UBAC2: variants seen among roughly 807,000 people sequenced by gnomAD.
UBAC2 encodes the protein ubiquitin-associated domain-containing protein 2.
UBAC2 carries 26 observed loss-of-function variants against 44.0 expected under a neutral mutation model. That is an observed-to-expected ratio of 0.59 (90% CI 0.43 to 0.82). The LOEUF (loss-of-function observed/expected upper bound fraction) is 0.82, where lower values mean the gene tolerates loss of function less well. UBAC2 is among the 40% of genes least tolerant of loss of function. The pLI is 0.00. For synonymous variants in UBAC2, 155 were observed against 154.3 expected, an observed-to-expected ratio of 1.00 and a Z score of -0.04; for missense variants, 329 against 419.4, an observed-to-expected ratio of 0.78 and a Z score of 1.88.
Position 99,295,620 on chromosome 13 carries a change from C to A in UBAC2, c.390-18477C>A, listed in dbSNP as rs541209030. ...TACTCCATGCATGTAATCCTTTCAG[C>A]CTCCTGCTTTGACATAGGGTTGATG... On this transcript the variant is annotated intron_variant, in intron 4 of 8. Coordinates refer to ENST00000403766, the MANE Select transcript of UBAC2 (RefSeq NM_001144072.2). The surrounding 1 kb of genome is among the most constrained non-coding windows in gnomAD (Gnocchi z 4.1). 6 of 1,614,140 alleles carry A rather than the reference C, an allele frequency of 3.7e-6. No homozygotes were observed. The Admixed American group carries it at 5.0e-5, about 13-fold the overall frequency.
At chr13:99,351,333 G>A (rs1566516880) in intron 7 of UBAC2, 1 of 345,200 alleles carries the variant, frequency 2.9e-6, no homozygotes, top group Non-Finnish European at 5.7e-6. Context: ...GCAGGTGATG[G>A]CCTGTGGGCC....
intron 1 of UBAC2, among the ~76,000 whole-genome samples, chr13:99,203,059 A>ATTTATTTG (rs752282024): frequency 6.6e-6 from 1 of 151,234 alleles, no homozygotes. Flanking sequence ...TTATTTATTG[A>ATTTATTTG]GATGGAGTCT....
chr13:99,375,801 C>CAT (rs1555333482), intron 8 of UBAC2, among the ~76,000 whole-genome samples: 1 of 110,888 alleles, frequency 9.0e-6, no homozygotes, highest in African/African-American at 3.7e-5. Context: ...TCCTTTTTCC[C>CAT]TTTTTTTTTT....
At chr13:99,278,599 G>A (rs2043913922) in intron 4 of UBAC2, among the ~76,000 whole-genome samples, 1 of 152,136 alleles carries the variant, frequency 6.6e-6, no homozygotes, top group African/African-American at 2.4e-5. Context: ...GTGAAAAAAA[G>A]TGATATTTCT....
At chr13:99,207,993 C>CTTTT (rs369860759) in intron 1 of UBAC2, among the ~76,000 whole-genome samples, 2 of 109,510 alleles carry the variant, frequency 1.8e-5, no homozygotes, top group Admixed American at 9.6e-5. Context: ...CTCATCGTCT[C>CTTTT]TTTTTTTTTT....
At chr13:99,248,223 T>G (rs1049049767) in intron 4 of UBAC2, among the ~76,000 whole-genome samples, 1 of 152,092 alleles carries the variant, frequency 6.6e-6, no homozygotes, top group Non-Finnish European at 1.5e-5. Context: ...TTCCTTTCTT[T>G]CTTTTATTTT....
chr13:99,242,612 G>T (rs2043322333), intron 2 of UBAC2, among the ~76,000 whole-genome samples: 2 of 60,500 alleles, frequency 3.3e-5, no homozygotes, highest in Non-Finnish European at 6.6e-5. Flanking sequence ...TCCCAGACGG[G>T]GTGGCTGGCC....
chr13:99,201,065 C>G (rs1336454236), intron 1 of UBAC2, 126 bp downstream of exon 1: 6 of 1,330,220 alleles, frequency 4.5e-6, no homozygotes, highest in African/African-American at 1.5e-5. Context: ...TCCAGACCCG[C>G]GTCCGAACCC....
intron 8 of UBAC2, among the ~76,000 whole-genome samples, chr13:99,374,884 G>T (rs942533407): frequency 6.6e-6 from 1 of 152,140 alleles, no homozygotes; most frequent in African/African-American, 2.4e-5. Context: ...CCCCAGCATC[G>T]GTCGGAGAAG....
chr13:99,281,015 A>G (rs932643411), intron 4 of UBAC2, among the ~76,000 whole-genome samples: 1 of 152,048 alleles, frequency 6.6e-6, no homozygotes, highest in South Asian at 2.1e-4. Flanking sequence ...GTGAAACTCC[A>G]TCTCTGCTAA....
Position 99,295,606 on chromosome 13 carries a change from T to C in UBAC2, c.390-18491T>C. 1 of 1,614,134 alleles carries C rather than the reference T, an allele frequency of 6.2e-7. No individual in the cohort carries two copies. The highest frequency in any genetic ancestry group is 2.2e-5 in the East Asian group (1 of 44,888). ...CTTCAAAGTTTGGATACTCCATGCA[T>C]GTAATCCTTTCAGCCTCCTGCTTTG... On this transcript the variant is annotated intron_variant, in intron 4 of 8. Coordinates refer to ENST00000403766, the MANE Select transcript of UBAC2 (RefSeq NM_001144072.2). The surrounding 1 kb of genome is among the most constrained non-coding windows in gnomAD (Gnocchi z 4.1).
rs1230246729 is a variant in UBAC2 at position 99,200,855 on chromosome 13, C to T, written c.-54C>T. 6.4e-6 allele frequency: 8 copies of T among 1,255,424 alleles called. No homozygotes were observed. The African/African-American group carries it at 9.3e-5, about 15-fold the overall frequency. 77.8% of individuals were successfully genotyped at this position (1,255,424 alleles called of 1,614,324 possible). A position where few individuals can be genotyped will look rare whatever the true frequency, so the allele number is the denominator to read the frequency against. On this transcript the variant is annotated 5_prime_UTR_variant, in exon 1 of 9. Transcript: ENST00000403766. ...GCGCCTGCGCGGTCGCTGGGGCTCG[C>T]ACTTCAGCTTCCCCTCCCCCGGCGC...
intron 7 of UBAC2, among the ~76,000 whole-genome samples, chr13:99,364,199 A>G (rs1218021288): frequency 2.0e-5 from 3 of 151,642 alleles, no homozygotes; most frequent in Non-Finnish European, 4.4e-5. Context: ...AGAATTGGTA[A>G]TAGGCATTTT....
At chr13:99,335,235 C>T (rs1005050044) in intron 6 of UBAC2, among the ~76,000 whole-genome samples, 2 of 152,090 alleles carry the variant, frequency 1.3e-5, no homozygotes, top group Non-Finnish European at 2.9e-5. Context: ...CTAATTTGTA[C>T]TACATTTTTA....
At chr13:99,382,728 G>C (rs1244370477) in intron 8 of UBAC2, among the ~76,000 whole-genome samples, 1 of 152,196 alleles carries the variant, frequency 6.6e-6, no homozygotes, top group African/African-American at 2.4e-5. Flanking sequence ...AGGGAGCCCA[G>C]GACAGAAGGC....
chr13:99,232,798 C>T (rs757429382), intron 1 of UBAC2, among the ~76,000 whole-genome samples: 14 of 151,962 alleles, frequency 9.2e-5, no homozygotes, highest in Non-Finnish European at 1.6e-4. Flanking sequence ...AAAACCTGGC[C>T]GGTCATGGGG....
At chr13:99,281,544 G>A (rs1328151794) in intron 4 of UBAC2, among the ~76,000 whole-genome samples, 3 of 152,110 alleles carry the variant, frequency 2.0e-5, no homozygotes, top group African/African-American at 4.8e-5. Flanking sequence ...TCTCTCCTTA[G>A]AACAGCCCTG....
chr13:99,298,354 T>TA (rs1170798336), intron 4 of UBAC2, among the ~76,000 whole-genome samples: 1 of 152,056 alleles, frequency 6.6e-6, no homozygotes, highest in Non-Finnish European at 1.5e-5. Context: ...GATAAAAAGA[T>TA]AAAGGATAAG....
chr13:99,255,793 A>T, intron 4 of UBAC2: 1 of 1,612,690 alleles, frequency 6.2e-7, no homozygotes, highest in Non-Finnish European at 8.5e-7. Context: ...GCTATAGAAG[A>T]CAAGGGCTGC....
Sources: allele counts gnomAD v4.1 joint callset (sites outside exome capture counted in the v4.1 genomes callset), GRCh38; gene constraint gnomAD v4.1.1; non-coding constraint Gnocchi (gnomAD v3.1); transcripts MANE v1.5; gene names NCBI Gene and HGNC (gene_info 2026-07-23, HGNC 2026-07-21).